Variants in IFT140 observed in about 807,000 individuals in gnomAD.
The protein encoded by IFT140 is intraflagellar transport protein 140 homolog.
In IFT140, 133 loss-of-function variants were observed where a neutral mutation model predicts 164.6. The observed-to-expected ratio is 0.81, with a 90% CI of 0.70 to 0.93. The LOEUF is 0.93. Among genes scored for constraint, IFT140 ranks in the 40% least tolerant of loss-of-function variants. IFT140 has a pLI of 0.00. For missense variants in IFT140, 2,045 were observed against 1,972.3 expected, an observed-to-expected ratio of 1.04 and a Z score of -0.70; for synonymous variants, 860 against 817.3, an observed-to-expected ratio of 1.05 and a Z score of -0.89.
At chr16:1,528,433 GCACA>G (rs4017983) in intron 19 of IFT140, among the ~76,000 whole-genome samples, 26 of 148,870 alleles carry the variant, frequency 1.7e-4, no homozygotes, top group African/African-American at 6.4e-4. Context: ...ACACACAGAT[GCACA>G]CACACATTCA....
chr16:1,526,848 C>G lies in IFT140; in HGVS notation c.2400-52G>C, dbSNP rs1433553895. ...CTCCTGCCCAGCACCTCAGGGCCCC[C>G]TGGCCCTACGGCCCCTTCTCCTGGG... On this transcript the variant is annotated intron_variant, in intron 19 of 30. Transcript: ENST00000426508. 2.6e-6 allele frequency: 4 copies of G among 1,539,678 alleles called. No individual in the cohort carries two copies. The South Asian group carries it at 4.8e-5, about 19-fold the overall frequency.
chr16:1,540,831 G>C (rs1327196930), intron 19 of IFT140: 1 of 985,406 alleles, frequency 1.0e-6, no homozygotes, highest in Non-Finnish European at 1.2e-6. Context: ...TTGTTCAATA[G>C]AAAACAAGGC....
chr16:1,598,121 G>A (rs1427344239), intron 4 of IFT140, among the ~76,000 whole-genome samples: 2 of 151,940 alleles, frequency 1.3e-5, no homozygotes, highest in East Asian at 1.9e-4. Flanking sequence ...CAGAAGAAGG[G>A]AACAACCTGA....
chr16:1,602,747 T>A (rs2035861693), intron 3 of IFT140, among the ~76,000 whole-genome samples, 156 bp from the exon 4 acceptor site: 1 of 152,156 alleles, frequency 6.6e-6, no homozygotes, highest in African/African-American at 2.4e-5. Flanking sequence ...CGAGACCAGC[T>A]GGGCCAATTT....
intron 19 of IFT140, among the ~76,000 whole-genome samples, chr16:1,554,591 G>A (rs965062506): frequency 4.6e-5 from 7 of 152,190 alleles, no homozygotes; most frequent in Non-Finnish European, 8.8e-5. Context: ...CAGGGCAGCC[G>A]CCCCGTAAAG....
chr16:1,596,055 A>G (rs2035448200), intron 4 of IFT140, among the ~76,000 whole-genome samples: 1 of 152,192 alleles, frequency 6.6e-6, no homozygotes, highest in African/African-American at 2.4e-5. Context: ...GGCTCCGTCT[A>G]AAACAAACAA....
intron 4 of IFT140, among the ~76,000 whole-genome samples, chr16:1,600,409 G>C (rs938851415): frequency 1.4e-5 from 2 of 143,798 alleles, no homozygotes; most frequent in Non-Finnish European, 3.0e-5. Flanking sequence ...CCATGACCCT[G>C]CCAAATCCCC....
intron 6 of IFT140, among the ~76,000 whole-genome samples, chr16:1,591,871 A>G (rs769763514): frequency 6.6e-6 from 1 of 152,172 alleles, no homozygotes; most frequent in African/African-American, 2.4e-5. Context: ...AATTTTTCCA[A>G]AACTGTCTCT....
Position 1,533,298 on chromosome 16 carries a change from A to C in IFT140, c.2400-6502T>G, listed in dbSNP as rs990187674. On this transcript the variant is annotated intron_variant, in intron 19 of 30. Transcript: ENST00000426508. The surrounding 1 kb of genome is among the most constrained non-coding windows in gnomAD (Gnocchi z 4.7). ...AGGCCTGGAACACACGGGCGGGGGG[A>C]GGCTTGTGGTTCCTATGGTCCTGGG... 8.2e-6 allele frequency: 1 copy of C among 121,328 alleles called. No individual in the cohort carries two copies. The highest frequency in any genetic ancestry group is 5.0e-3 in the Middle Eastern group (1 of 202). 7.5% of individuals were successfully genotyped at this position (121,328 alleles called of 1,614,324 possible).
At chr16:1,579,250 T>C (rs1237377533) in intron 13 of IFT140, 1 of 152,062 alleles carries the variant, frequency 6.6e-6, no homozygotes, top group Non-Finnish European at 1.5e-5. Context: ...GAGCTCTTCA[T>C]CCTCATCATC....
chr16:1,587,060 C>T (rs760897357), intron 9 of IFT140, 138 bp downstream of exon 9: 46 of 656,386 alleles, frequency 7.0e-5, no homozygotes, highest in Non-Finnish European at 9.7e-5. Context: ...TTGCCCTTGC[C>T]CGACTATTTG....
At chr16:1,598,639 G>T (rs1369904048) in intron 4 of IFT140, among the ~76,000 whole-genome samples, 2 of 152,272 alleles carry the variant, frequency 1.3e-5, no homozygotes, top group African/African-American at 4.8e-5. Flanking sequence ...TCTAGGGAGA[G>T]AGGCTGGTGT....
At chr16:1,611,278 G>A (rs1288711472) in intron 1 of IFT140, among the ~76,000 whole-genome samples, 1 of 152,216 alleles carries the variant, frequency 6.6e-6, no homozygotes, top group Non-Finnish European at 1.5e-5. Context: ...GCTGGGGCGG[G>A]CGGATCGTTG....
chr16:1,568,065 C>T (rs753210917), intron 15 of IFT140, 152 bp downstream of exon 15: 59 of 632,728 alleles, frequency 9.3e-5, no homozygotes, highest in Admixed American at 3.4e-4. Context: ...GGGAGAGACC[C>T]GGGGAGACGA....
intron 19 of IFT140, chr16:1,541,001 G>C: frequency 1.0e-6 from 1 of 985,422 alleles, no homozygotes; most frequent in Non-Finnish European, 1.2e-6. Context: ...CCCTGTGTAA[G>C]GTTTTATTTG....
In IFT140 at chr16:1,553,028, G is replaced by A. The variant is rs529229970; in HGVS notation, c.2399+4907C>T. Reference sequence around the variant, plus strand: ...AAGAAGCTCCATGAAGTATTATAAAGAATGAACACAGAAACCAGTCACTGT... The same window carrying A: ...AAGAAGCTCCATGAAGTATTATAAAAAATGAACACAGAAACCAGTCACTGT... On this transcript the variant is annotated intron_variant, in intron 19 of 30. Transcript: ENST00000426508. The surrounding 1 kb of genome is among the most constrained non-coding windows in gnomAD (Gnocchi z 4.4). The A allele has an allele frequency of 1.2e-5, 12 of 985,374 alleles. No individual in the cohort carries two copies. The South Asian group carries it at 3.3e-4, about 27-fold the overall frequency. The allele number at this position is 985,374 out of a possible 1,614,324, so 61.0% of individuals were successfully genotyped here.
chr16:1,554,209 T>C (rs2032906352), intron 19 of IFT140: 1 of 1,058,620 alleles, frequency 9.4e-7, no homozygotes, highest in Non-Finnish European at 1.2e-6. Flanking sequence ...CTCCAGGCCA[T>C]CTGGAGTTCC....
At chr16:1,559,156 AG>A (rs1238296099) in intron 18 of IFT140, among the ~76,000 whole-genome samples, 1 of 152,220 alleles carries the variant, frequency 6.6e-6, no homozygotes, top group African/African-American at 2.4e-5. Flanking sequence ...TGAGTGCTGA[AG>A]GGTTTGGACT....
intron 19 of IFT140, chr16:1,554,054 G>T: frequency 1.6e-6 from 2 of 1,287,176 alleles, no homozygotes; most frequent in Non-Finnish European, 2.0e-6. Flanking sequence ...GAAAGAGAGG[G>T]GAAAGCATGG....
Sources: allele counts gnomAD v4.1 joint callset (sites outside exome capture counted in the v4.1 genomes callset), GRCh38; gene constraint gnomAD v4.1.1; non-coding constraint Gnocchi (gnomAD v3.1); transcripts MANE v1.5; gene names NCBI Gene and HGNC (gene_info 2026-07-23, HGNC 2026-07-21).